ZNF385D: variants seen among roughly 807,000 people sequenced by gnomAD.
The protein encoded by ZNF385D is zinc finger protein 385D.
A neutral mutation model predicts 35.8 loss-of-function variants in ZNF385D; 15 were observed. That is an observed-to-expected ratio of 0.42 (90% CI 0.28 to 0.64). The LOEUF is 0.64. Ranked by LOEUF, ZNF385D falls within the 30% of genes least tolerant of loss-of-function variation. ZNF385D has a pLI of 0.23. For missense variants in ZNF385D, 474 were observed against 494.6 expected (o/e 0.96, Z 0.39); for synonymous variants, 212 against 186.8 (o/e 1.13, Z -1.10).
chr3:21,589,863 T>C (rs1017815751), intron 2 of ZNF385D, among the ~76,000 whole-genome samples: 1 of 152,128 alleles, frequency 6.6e-6, no homozygotes, highest in Non-Finnish European at 1.5e-5. Flanking sequence ...GATGAAGATG[T>C]AGAACAAAAA....
At chr3:22,145,012 G>GTGTA (rs1313198930) in intron 3 of ZNF385D, among the ~76,000 whole-genome samples, 1 of 61,872 alleles carries the variant, frequency 1.6e-5, no homozygotes, top group Admixed American at 1.6e-4. Context: ...AGATACATAT[G>GTGTA]TGTGTGTGTG....
At chr3:22,361,993 A>G (rs1696430749) in intron 2 of ZNF385D, among the ~76,000 whole-genome samples, 1 of 151,686 alleles carries the variant, frequency 6.6e-6, no homozygotes, top group South Asian at 2.1e-4. Context: ...TGTAAATCCC[A>G]TCATTTCTAA....
chr3:21,746,085 ATCTTG>A (rs2069756039), intron 1 of ZNF385D, among the ~76,000 whole-genome samples: 2 of 152,196 alleles, frequency 1.3e-5, no homozygotes, highest in Non-Finnish European at 2.9e-5. Flanking sequence ...CAACCAACAC[ATCTTG>A]TCTTATCAAC....
chr3:21,824,415 A>T (rs1056561718), intron 3 of ZNF385D, among the ~76,000 whole-genome samples: 4 of 150,742 alleles, frequency 2.7e-5, no homozygotes, highest in African/African-American at 9.8e-5. Context: ...TCAAAATAAT[A>T]AAAAACAAAA....
At chr3:21,764,878 A>AT (rs2070760804) in intron 3 of ZNF385D, among the ~76,000 whole-genome samples, 2 of 151,964 alleles carry the variant, frequency 1.3e-5, no homozygotes, top group South Asian at 4.2e-4. Context: ...TCCCAAGCTT[A>AT]TTTTTTTTCC....
intron 1 of ZNF385D, among the ~76,000 whole-genome samples, chr3:21,733,197 T>C (rs2069095339): frequency 6.6e-6 from 1 of 152,206 alleles, no homozygotes; most frequent in Non-Finnish European, 1.5e-5. Context: ...GTTGCTTATC[T>C]TTACATCAGT....
chr3:21,538,573 T>G (rs2062094237), intron 3 of ZNF385D, among the ~76,000 whole-genome samples: 1 of 152,112 alleles, frequency 6.6e-6, no homozygotes, highest in Non-Finnish European at 1.5e-5. Flanking sequence ...TTTTAAAGAT[T>G]AGCAACTTGT....
chr3:21,671,427 A>T (rs2066573176), intron 1 of ZNF385D, among the ~76,000 whole-genome samples: 1 of 152,184 alleles, frequency 6.6e-6, no homozygotes, highest in Non-Finnish European at 1.5e-5. Flanking sequence ...TAGAGAATAT[A>T]GATAATTTAA....
intron 3 of ZNF385D, among the ~76,000 whole-genome samples, chr3:21,968,445 G>A (rs62248367): frequency 0.14 from 21,746 of 152,048 alleles, 1,768 homozygotes; most frequent in Middle Eastern, 0.22. Context: ...AGCCAAGGGA[G>A]TGCTTGAGTC....
At chr3:22,078,279 T>A (rs1258911685) in intron 3 of ZNF385D, among the ~76,000 whole-genome samples, 1 of 151,984 alleles carries the variant, frequency 6.6e-6, no homozygotes, top group African/African-American at 2.4e-5. Flanking sequence ...GAGAAAAAAA[T>A]ATGTTGACAA....
chr3:21,907,604 G>C lies in ZNF385D; in HGVS notation c.326-242576C>G, dbSNP rs1699745739. On this transcript the variant is annotated intron_variant, in intron 3 of 5. Transcript: ENST00000494108. ...CACGAGTCAGATTAGTCCTAAATGT[G>C]GAATCCGTTAAAAGGAGATACATTA... Among the ~76,000 whole-genome samples the C allele has an allele frequency of 1.3e-5, 2 of 152,046 alleles. 1 individual carries two copies. Among genetic ancestry groups the C allele is most frequent in the South Asian group, 4.1e-4 (2 of 4,830 alleles).
chr3:21,518,219 G>T (rs1008039638), intron 3 of ZNF385D, among the ~76,000 whole-genome samples: 2 of 151,780 alleles, frequency 1.3e-5, no homozygotes, highest in East Asian at 1.9e-4. Context: ...AAAAATTATC[G>T]ATTTTTTTTT....
intron 2 of ZNF385D, among the ~76,000 whole-genome samples, chr3:22,207,031 T>A (rs1307690975): frequency 6.6e-6 from 1 of 151,412 alleles, no homozygotes. Flanking sequence ...AATAAATAAA[T>A]AAAGAAGAGC....
intron 3 of ZNF385D, among the ~76,000 whole-genome samples, chr3:21,862,251 C>T (rs1425620446): frequency 1.3e-5 from 2 of 150,884 alleles, no homozygotes; most frequent in South Asian, 2.1e-4. Context: ...ACTACAGAAG[C>T]ATCATTGATG....
At chr3:21,517,062 G>T (rs942550103) in intron 3 of ZNF385D, among the ~76,000 whole-genome samples, 2 of 140,120 alleles carry the variant, frequency 1.4e-5, no homozygotes, top group South Asian at 5.0e-4. Context: ...AATCTTAAAT[G>T]ATTACAGGAA....
intron 2 of ZNF385D, among the ~76,000 whole-genome samples, chr3:22,287,499 A>C (rs1702085968): frequency 6.6e-6 from 1 of 151,884 alleles, no homozygotes; most frequent in South Asian, 2.1e-4. Context: ...ATATACTCTG[A>C]ATCATTTTTA....
chr3:22,077,876 C>G (rs541780946), intron 3 of ZNF385D, among the ~76,000 whole-genome samples: 1 of 152,012 alleles, frequency 6.6e-6, no homozygotes, highest in East Asian at 1.9e-4. Context: ...AGACACCCCC[C>G]ACTCCACTTG....
chr3:22,093,301 T>C (rs9874485), intron 3 of ZNF385D, among the ~76,000 whole-genome samples: 53,467 of 151,548 alleles, frequency 0.35, 9,659 homozygotes, highest in Non-Finnish European at 0.37. Flanking sequence ...GCTTTTAATA[T>C]ATGCGCATTG....
intron 2 of ZNF385D, among the ~76,000 whole-genome samples, chr3:22,289,208 G>A (rs935430118): frequency 6.6e-6 from 1 of 152,044 alleles, no homozygotes; most frequent in East Asian, 1.9e-4. Context: ...TCTGTAAATG[G>A]GTCCTCTGAA....
Sources: gnomAD v4.1 joint callset for allele counts (sites outside exome capture counted in the v4.1 genomes callset) on GRCh38, gnomAD v4.1.1 for gene constraint, MANE v1.5 for transcripts, NCBI Gene and HGNC (gene_info 2026-07-23, HGNC 2026-07-21) for gene names.